The following MS4A4E variants were observed in gnomAD, a reference collection of about 807,000 sequenced individuals.
The protein encoded by MS4A4E is membrane spanning 4-domains A4E.
MS4A4E carries 23 observed loss-of-function variants against 13.3 expected under a neutral mutation model. The ratio of observed to expected loss-of-function variants is 1.73; its 90% confidence interval spans 1.25 to 2.45. The LOEUF is 2.45. Among genes scored for constraint, MS4A4E ranks in the 30% most tolerant of loss-of-function variants. MS4A4E has a pLI of 0.00. For synonymous variants in MS4A4E, 36 were observed against 45.6 expected, an observed-to-expected ratio of 0.79 and a Z score of 0.85; for missense variants, 144 against 131.2, an observed-to-expected ratio of 1.10 and a Z score of -0.48.
At chr11:60,227,047 A>C in intron 3 of MS4A4E, among the ~76,000 whole-genome samples, 1 of 152,186 alleles carries the variant, frequency 6.6e-6, no homozygotes. Flanking sequence ...CAACCCTAAA[A>C]ATTAAATATT....
At chr11:60,227,368 G>A (rs1305956294) in intron 3 of MS4A4E, among the ~76,000 whole-genome samples, 1 of 152,056 alleles carries the variant, frequency 6.6e-6, no homozygotes, top group Non-Finnish European at 1.5e-5. Context: ...TGGCTAACAT[G>A]GTGAAACCCC....
chr11:60,241,789 T>C (rs779873470), intron 1 of MS4A4E, among the ~76,000 whole-genome samples: 3 of 152,194 alleles, frequency 2.0e-5, no homozygotes, highest in Non-Finnish European at 4.4e-5. Context: ...TTCTTTCAGG[T>C]TGGAGAAGAA....
chr11:60,223,291 T>A (rs933603986), intron 3 of MS4A4E, among the ~76,000 whole-genome samples: 2 of 152,228 alleles, frequency 1.3e-5, no homozygotes, highest in Non-Finnish European at 2.9e-5. Context: ...CCATGTGACA[T>A]AAGACCTATT....
At chr11:60,237,213 C>T (rs554276550) in intron 1 of MS4A4E, among the ~76,000 whole-genome samples, 1 of 152,072 alleles carries the variant, frequency 6.6e-6, no homozygotes, top group South Asian at 2.1e-4. Flanking sequence ...TTTTCTGTTC[C>T]TGTGTTAGTT....
At chr11:60,239,786 C>G (rs2084526611) in intron 1 of MS4A4E, among the ~76,000 whole-genome samples, 1 of 152,166 alleles carries the variant, frequency 6.6e-6, no homozygotes, top group South Asian at 2.1e-4. Context: ...AAGTAGACTT[C>G]AGCATCCCCT....
chr11:60,235,449 G>A (rs2084470825), intron 1 of MS4A4E, among the ~76,000 whole-genome samples: 1 of 152,148 alleles, frequency 6.6e-6, no homozygotes, highest in African/African-American at 2.4e-5. Flanking sequence ...CTTTCAACAG[G>A]GAAAGGACAC....
rs2083975654 is a variant in MS4A4E, at chr11:60,200,803, G to C, written c.*740C>G. 6.6e-6 allele frequency among the ~76,000 whole-genome samples: 1 copy of C among 152,224 alleles called. No individual in the cohort carries two copies. Among genetic ancestry groups the C allele is most frequent in the Non-Finnish European group, 1.5e-5 (1 of 68,044 alleles). On this transcript the variant is annotated 3_prime_UTR_variant, in exon 9 of 9. Coordinates refer to ENST00000651255, the MANE Select transcript of MS4A4E (RefSeq NM_001393391.1). Reference sequence around the variant, plus strand: ...CATGGCCCGTTCTCAATGAGCTATTGGGTACACTTCCCAGATGGGGTGGTG... The same window carrying C: ...CATGGCCCGTTCTCAATGAGCTATTCGGTACACTTCCCAGATGGGGTGGTG...
At chr11:60,211,688 G>A (rs2084123354) in intron 5 of MS4A4E, among the ~76,000 whole-genome samples, 1 of 152,174 alleles carries the variant, frequency 6.6e-6, no homozygotes, top group Non-Finnish European at 1.5e-5. Context: ...CGAGGTGGGT[G>A]GATCACCTGA....
chr11:60,206,512 T>TACACAC lies in MS4A4E; in HGVS notation c.484-698_484-693dup, dbSNP rs10696106. Among the ~76,000 whole-genome samples the TACACAC allele has an allele frequency of 1.3e-4, 13 of 98,348 alleles. 1 individual carries two copies. The highest frequency in any genetic ancestry group is 5.8e-4 in the African/African-American group (12 of 20,692). 64.5% of individuals were successfully genotyped at this position (98,348 alleles called of 152,430 possible). A position where few individuals can be genotyped will look rare whatever the true frequency, so the allele number is the denominator to read the frequency against. ...ATGTATATATATACGTATATATATATACACACACACACACACAGAGGTCAT... is the reference window on the plus strand; with the variant it reads ...ATGTATATATATACGTATATATATATACACACACACACACACACACACAGAGGTCAT... On this transcript the variant is annotated intron_variant, in intron 6 of 8. Coordinates refer to ENST00000651255, the MANE Select transcript of MS4A4E (RefSeq NM_001393391.1).
intron 1 of MS4A4E, among the ~76,000 whole-genome samples, chr11:60,240,997 TTTTA>T (rs71036563): frequency 0.39 from 59,271 of 151,118 alleles, 12,079 homozygotes; most frequent in East Asian, 0.43. Flanking sequence ...AATGTGTACT[TTTTA>T]TTTATTTATT....
Position 60,224,939 on chromosome 11 carries a change from A to G in MS4A4E, c.178+3655T>C, listed in dbSNP as rs192292214. 9.8e-5 allele frequency: 145 copies of G among 1,484,566 alleles called. No homozygotes were observed. The East Asian group carries it at 3.2e-3, about 33-fold the overall frequency. The allele number at this position is 1,484,566 out of a possible 1,614,324, so 92.0% of individuals were successfully genotyped here. Reference sequence around the variant, plus strand: ...TTACACCTCTATTATGTTATATCCAATTATATCAAAAAATACCCTGCTTAC... The same window carrying G: ...TTACACCTCTATTATGTTATATCCAGTTATATCAAAAAATACCCTGCTTAC... On this transcript the variant is annotated intron_variant, in intron 3 of 8. Transcript: ENST00000651255.
At chr11:60,205,322 A>G (rs1186765926) in intron 7 of MS4A4E, among the ~76,000 whole-genome samples, 2 of 152,188 alleles carry the variant, frequency 1.3e-5, no homozygotes, top group Non-Finnish European at 1.5e-5. Context: ...TTAACCTACA[A>G]GAGGAAGGAT....
intron 3 of MS4A4E, among the ~76,000 whole-genome samples, chr11:60,217,398 A>C (rs2084210297): frequency 6.6e-6 from 1 of 151,612 alleles, no homozygotes; most frequent in Non-Finnish European, 1.5e-5. Flanking sequence ...CTGAGCTTGT[A>C]AACTCTCAGG....
chr11:60,239,210 G>T (rs1194120418), intron 1 of MS4A4E, among the ~76,000 whole-genome samples: 1 of 152,184 alleles, frequency 6.6e-6, no homozygotes. Flanking sequence ...AATTAATCTT[G>T]TGTTTCTGTA....
chr11:60,230,558 C>A (rs1023313316), intron 1 of MS4A4E, among the ~76,000 whole-genome samples: 1 of 152,132 alleles, frequency 6.6e-6, no homozygotes, highest in Non-Finnish European at 1.5e-5. Context: ...TCCCATGTAA[C>A]CTTGTATTTT....
At chr11:60,223,360 T>G (rs75920950) in intron 3 of MS4A4E, among the ~76,000 whole-genome samples, 1 of 152,348 alleles carries the variant, frequency 6.6e-6, no homozygotes, top group Admixed American at 6.5e-5. Context: ...GTATAGGGGA[T>G]TGGTGCATTT....
intron 1 of MS4A4E, among the ~76,000 whole-genome samples, chr11:60,231,421 C>T (rs1226442544): frequency 6.6e-6 from 1 of 152,034 alleles, no homozygotes; most frequent in Non-Finnish European, 1.5e-5. Flanking sequence ...ATTCTTATCT[C>T]ATCTAGAAAA....
chr11:60,211,543 G>A (rs902363748), intron 5 of MS4A4E, among the ~76,000 whole-genome samples: 8 of 152,154 alleles, frequency 5.3e-5, no homozygotes, highest in African/African-American at 9.7e-5. Flanking sequence ...GCAGCAAGGC[G>A]AAAGGCTGAA....
chr11:60,207,552 AAAG>A (rs1185820363), intron 6 of MS4A4E, among the ~76,000 whole-genome samples: 1 of 152,166 alleles, frequency 6.6e-6, no homozygotes, highest in East Asian at 1.9e-4. Flanking sequence ...GGGAATCCCT[AAAG>A]AAGACAGAGA....
Sources: allele counts gnomAD v4.1 joint callset (sites outside exome capture counted in the v4.1 genomes callset), GRCh38; gene constraint gnomAD v4.1.1; transcripts MANE v1.5; gene names NCBI Gene and HGNC (gene_info 2026-07-23, HGNC 2026-07-21).